The following ANTXR2 variants were observed in gnomAD, a reference collection of about 807,000 sequenced individuals.
ANTXR2 encodes the protein ANTXR cell adhesion molecule 2.
In ANTXR2, 44 loss-of-function variants were observed where a neutral mutation model predicts 73.7. That is an observed-to-expected ratio of 0.60 (90% CI 0.47 to 0.77). ANTXR2 has a LOEUF of 0.77. Ranked by LOEUF, ANTXR2 falls within the 30% of genes least tolerant of loss-of-function variation. The pLI is 0.00. For missense variants in ANTXR2, 604 were observed against 592.5 expected (o/e 1.02, Z -0.20); for synonymous variants, 217 against 205.9 (o/e 1.05, Z -0.46).
rs766170379 is a variant in ANTXR2, at chr4:80,054,367, G to A, written c.556-15C>T. The A allele has an allele frequency of 1.2e-5, 19 of 1,562,846 alleles. No individual in the cohort carries two copies. Among genetic ancestry groups the A allele is most frequent in the Non-Finnish European group, 1.6e-5 (18 of 1,151,426 alleles). On this transcript the variant is annotated splice_polypyrimidine_tract_variant and intron_variant, in intron 6 of 16. Transcript: ENST00000403729. The stretch of plus-strand genomic sequence containing the variant: ...ATTCTTTCAAGCTTTAGAAAGAAGA[G>A]GAAGACTTAATTAAGGAGTGGCTGA...
chr4:79,949,674 T>G (rs894773871), intron 16 of ANTXR2, among the ~76,000 whole-genome samples: 2 of 152,168 alleles, frequency 1.3e-5, no homozygotes, highest in East Asian at 3.9e-4. Flanking sequence ...CTGTTTAACC[T>G]TTTTTAACCT....
At chr4:79,965,846 A>C (rs1729340241) in intron 16 of ANTXR2, among the ~76,000 whole-genome samples, 1 of 152,202 alleles carries the variant, frequency 6.6e-6, no homozygotes, top group South Asian at 2.1e-4. Flanking sequence ...TCCTAATATC[A>C]GATAATTTGT....
chr4:80,008,879 C>G (rs1308845867), intron 11 of ANTXR2, among the ~76,000 whole-genome samples: 2 of 152,134 alleles, frequency 1.3e-5, no homozygotes, highest in East Asian at 3.9e-4. Context: ...ACAAATACAT[C>G]TAAAAGGAAT....
At chr4:80,051,966 T>C (rs1272977634) in intron 7 of ANTXR2, among the ~76,000 whole-genome samples, 1 of 151,544 alleles carries the variant, frequency 6.6e-6, no homozygotes, top group African/African-American at 2.4e-5. Flanking sequence ...ATAAAAACCA[T>C]GTTGTCAATT....
intron 14 of ANTXR2, 42 bp downstream of exon 14, chr4:79,983,836 T>C (rs1311321801): frequency 7.0e-7 from 1 of 1,423,754 alleles, no homozygotes; most frequent in Admixed American, 1.7e-5. Flanking sequence ...TAGAAATACA[T>C]ACTCCAGATT....
chr4:79,945,493 A>G (rs1728483591), intron 16 of ANTXR2, among the ~76,000 whole-genome samples: 1 of 152,100 alleles, frequency 6.6e-6, no homozygotes, highest in Admixed American at 6.6e-5. Flanking sequence ...ACAGGTATTA[A>G]CGTATCTAAA....
intron 16 of ANTXR2, among the ~76,000 whole-genome samples, chr4:79,910,783 A>G (rs1377422502): frequency 6.6e-6 from 1 of 152,166 alleles, no homozygotes; most frequent in Non-Finnish European, 1.5e-5. Context: ...TACCAAGGAG[A>G]AAAACAGTGG....
chr4:79,984,507 A>G (rs1730023692), intron 13 of ANTXR2, among the ~76,000 whole-genome samples: 1 of 152,178 alleles, frequency 6.6e-6, no homozygotes, highest in African/African-American at 2.4e-5. Context: ...TTCAACTGTC[A>G]GCTTGGATGT....
intron 12 of ANTXR2, among the ~76,000 whole-genome samples, chr4:80,000,888 T>C (rs1730997780): frequency 6.6e-6 from 1 of 152,052 alleles, no homozygotes; most frequent in Non-Finnish European, 1.5e-5. Context: ...TATCTGAATA[T>C]GAATGAAACT....
In ANTXR2 at chr4:80,055,440, C is replaced by A; in HGVS notation, c.406G>T (p.Gly136Cys). The change falls in exon 5 of 17, where the codon GGC (glycine) becomes TGC (cysteine). Residue 136 changes from glycine (G) to cysteine (C), a missense_variant. Transcript: ENST00000403729. The stretch of plus-strand genomic sequence containing the variant: ...ATTATGATACTGGAGGTTTTCAAGC[C>A]TCCTGCTTTCTGAATTTGTTCATTC... ...LANEQIQKAG[G>C]LKTSSIIIAL... 1.2e-6 allele frequency: 2 copies of A among 1,610,524 alleles called. No individual in the cohort carries two copies. The highest frequency in any genetic ancestry group is 1.7e-6 in the Non-Finnish European group (2 of 1,178,006).
At chr4:79,984,435 A>G (rs1730020270) in intron 13 of ANTXR2, among the ~76,000 whole-genome samples, 1 of 152,232 alleles carries the variant, frequency 6.6e-6, no homozygotes, top group Admixed American at 6.5e-5. Flanking sequence ...TGTTCCTAAC[A>G]TGATTCTGGT....
chr4:80,002,445 A>C (rs534236148), intron 12 of ANTXR2, among the ~76,000 whole-genome samples: 2 of 152,248 alleles, frequency 1.3e-5, no homozygotes, highest in Non-Finnish European at 2.9e-5. Context: ...TAGACCTAAA[A>C]CCATAAAAAC....
chr4:79,928,318 A>G (rs1727907314), intron 16 of ANTXR2, among the ~76,000 whole-genome samples: 1 of 152,224 alleles, frequency 6.6e-6, no homozygotes, highest in South Asian at 2.1e-4. Context: ...AAATTCATAG[A>G]GACAGAATAA....
chr4:80,018,953 A>G lies in ANTXR2; in HGVS notation c.890T>C (p.Phe297Ser), dbSNP rs1732013170. The change falls in exon 11 of 17, where the codon TTT becomes TCT. Residue 297 changes from phenylalanine (F) to serine (S), a missense_variant. Transcript: ENST00000403729. Reference sequence around the variant, plus strand: ...TGAAATGACAGATTTTCCTCCATTAAAGCTCACTGAAACATCAAGAGTTCT... The same window carrying G: ...TGAAATGACAGATTTTCCTCCATTAGAGCTCACTGAAACATCAAGAGTTCT... The part of the protein sequence containing the change: ...AGETLDVSVS[F>S]NGGKSVISGS... 2 of 1,510,798 alleles carry G rather than the reference A, an allele frequency of 1.3e-6. No homozygotes were observed. Among genetic ancestry groups the G allele is most frequent in the Non-Finnish European group, 1.8e-6 (2 of 1,132,440 alleles). 93.6% of individuals were successfully genotyped at this position (1,510,798 alleles called of 1,614,324 possible).
chr4:80,014,756 G>C (rs1311989582), intron 11 of ANTXR2, among the ~76,000 whole-genome samples: 1 of 152,024 alleles, frequency 6.6e-6, no homozygotes, highest in Non-Finnish European at 1.5e-5. Flanking sequence ...CCTATCACAC[G>C]GTCTCTGTAG....
At position 80,018,928 on chromosome 4, in the gene ANTXR2, T is replaced by C; in HGVS notation, c.915A>G (p.Ser305=). 6.6e-7 allele frequency: 1 copy of C among 1,519,980 alleles called. No homozygotes were observed. The highest frequency in any genetic ancestry group is 8.8e-7 in the Non-Finnish European group (1 of 1,136,832). The allele number at this position is 1,519,980 out of a possible 1,614,324, so 94.2% of individuals were successfully genotyped here. A position where few individuals can be genotyped will look rare whatever the true frequency, so the allele number is the denominator to read the frequency against. Residue 305 remains serine (S), a synonymous_variant, in exon 11 of 17, where the codon TCA becomes TCG. Coordinates refer to ENST00000403729, the MANE Select transcript of ANTXR2 (RefSeq NM_058172.6). ...VSFNGGKSVI[S]GSLIVTATEC... ...CTGTGGCTGTGACAATTAATGATCCTGAAATGACAGATTTTCCTCCATTAA... is the reference window on the plus strand; with the variant it reads ...CTGTGGCTGTGACAATTAATGATCCCGAAATGACAGATTTTCCTCCATTAA...
rs978785153 is a variant in ANTXR2, at chr4:79,997,262, T to TA, written c.1041+11258dup. On this transcript the variant is annotated intron_variant, in intron 12 of 16. Transcript: ENST00000403729. ...CTGTCAACATTGAATTGCCTTGGAT[T>TA]AAAAAAAAAAGATATTGTACAATGA... Among the ~76,000 whole-genome samples, 1,146 of 147,906 alleles carry TA rather than the reference T, an allele frequency of 7.7e-3. 17 individuals are homozygous for TA. The highest frequency in any genetic ancestry group is 0.026 in the African/African-American group (1,067 of 40,540).
chr4:80,022,248 A>G (rs1009960035), intron 10 of ANTXR2, among the ~76,000 whole-genome samples: 1 of 152,214 alleles, frequency 6.6e-6, no homozygotes, highest in Admixed American at 6.5e-5. Context: ...GGCATTTACT[A>G]TATGCTAAAG....
Position 80,072,702 on chromosome 4 carries a change from G to GACCC in ANTXR2, c.-146_-143dup, listed in dbSNP as rs956332750. The GACCC allele has an allele frequency of 3.1e-5, 42 of 1,348,370 alleles. No individual in the cohort carries two copies. Among genetic ancestry groups the GACCC allele is most frequent in the Non-Finnish European group, 3.8e-5 (40 of 1,055,302 alleles). The allele number at this position is 1,348,370 out of a possible 1,614,324, so 83.5% of individuals were successfully genotyped here. On this transcript the variant is annotated 5_prime_UTR_variant, in exon 1 of 17. Coordinates refer to ENST00000403729, the MANE Select transcript of ANTXR2 (RefSeq NM_058172.6). ...GAGACGCCGGCGCCTGCGGCAGCGG[G>GACCC]ACCCACCAGCTGACAGGGAGGGAGA...
Sources: allele counts gnomAD v4.1 joint callset (sites outside exome capture counted in the v4.1 genomes callset), GRCh38; gene constraint gnomAD v4.1.1; transcripts MANE v1.5; gene names NCBI Gene and HGNC (gene_info 2026-07-23, HGNC 2026-07-21).